The following PMFBP1 variants were observed in gnomAD, a reference collection of about 807,000 sequenced individuals.
The protein encoded by PMFBP1 is polyamine-modulated factor 1-binding protein 1.
In PMFBP1, 131 loss-of-function variants were observed where a neutral mutation model predicts 137.8. The ratio of observed to expected loss-of-function variants is 0.95; its 90% confidence interval spans 0.82 to 1.10. The LOEUF is 1.10. Ranked by LOEUF, PMFBP1 falls within the 50% of genes least tolerant of loss-of-function variation. The pLI is 0.00. For synonymous variants in PMFBP1, 490 were observed against 450.4 expected (o/e 1.09, Z -1.11); for missense variants, 1,199 against 1,175.4 (o/e 1.02, Z -0.29).
the PMFBP1 span, among the ~76,000 whole-genome samples, chr16:72,218,481 A>G: frequency 2.6e-5 from 4 of 151,992 alleles, no homozygotes; most frequent in Admixed American, 6.6e-5. Context: ...CTGCCATGCC[A>G]TGTTGGCCAA....
chr16:72,160,892 G>A (rs191949429), intron 3 of PMFBP1, among the ~76,000 whole-genome samples: 3 of 152,232 alleles, frequency 2.0e-5, no homozygotes, highest in Non-Finnish European at 2.9e-5. Flanking sequence ...CAAACTTTGA[G>A]CTGAATTGCA....
chr16:72,123,716 G>T, intron 17 of PMFBP1, 67 bp from the exon 18 acceptor site: 1 of 1,406,322 alleles, frequency 7.1e-7, no homozygotes, highest in Non-Finnish European at 9.9e-7. Context: ...CTCCTTCCGA[G>T]TCAGGCCTCT....
chr16:72,187,903 AC>A, the PMFBP1 span, among the ~76,000 whole-genome samples: 5 of 152,186 alleles, frequency 3.3e-5, no homozygotes, highest in Non-Finnish European at 7.3e-5. Flanking sequence ...ATATCGAGAA[AC>A]CTGCCTCACC....
chr16:72,211,384 T>A, the PMFBP1 span, among the ~76,000 whole-genome samples: 1 of 152,264 alleles, frequency 6.6e-6, no homozygotes, highest in African/African-American at 2.4e-5. Flanking sequence ...GGGACTAAAC[T>A]TCCCCATACA....
chr16:72,147,914 C>T (rs531350761), intron 5 of PMFBP1, among the ~76,000 whole-genome samples: 14 of 152,282 alleles, frequency 9.2e-5, no homozygotes, highest in African/African-American at 3.4e-4. Flanking sequence ...CACTTTTACA[C>T]TGTTGGTGGG....
At chr16:72,149,121 A>C (rs1019271167) in intron 5 of PMFBP1, among the ~76,000 whole-genome samples, 3 of 152,226 alleles carry the variant, frequency 2.0e-5, no homozygotes, top group Non-Finnish European at 4.4e-5. Flanking sequence ...AACGTCCTGC[A>C]CACTACTCTG....
upstream of PMFBP1, among the ~76,000 whole-genome samples, chr16:72,174,772 A>G (rs560268933): frequency 6.6e-6 from 1 of 152,302 alleles, no homozygotes; most frequent in Non-Finnish European, 1.5e-5. Context: ...GTGAGAACTC[A>G]TTCACTATCA....
upstream of PMFBP1, among the ~76,000 whole-genome samples, chr16:72,178,682 G>A (rs2144545581): frequency 6.6e-6 from 1 of 152,224 alleles, no homozygotes; most frequent in Admixed American, 6.5e-5. Context: ...CCAAAGGTTG[G>A]CTCCTGAGCC....
At chr16:72,231,915 C>T in the PMFBP1 span, among the ~76,000 whole-genome samples, 2 of 98,042 alleles carry the variant, frequency 2.0e-5, no homozygotes, top group Non-Finnish European at 4.3e-5. Flanking sequence ...GGGAAGACAC[C>T]CATTTGTCAT....
chr16:72,172,562 A>C (rs1040308890), upstream of PMFBP1: 1 of 151,238 alleles, frequency 6.6e-6, no homozygotes, highest in Non-Finnish European at 1.5e-5. Flanking sequence ...TCATTAGCCA[A>C]AACAAGTCAC....
At chr16:72,201,642 A>G in the PMFBP1 span, among the ~76,000 whole-genome samples, 2 of 152,354 alleles carry the variant, frequency 1.3e-5, no homozygotes, top group Non-Finnish European at 2.9e-5. Flanking sequence ...AGATCAAGGC[A>G]TTGCAGTGCA....
At chr16:72,140,293 C>T in intron 6 of PMFBP1, 119 bp downstream of exon 6, 1 of 1,055,426 alleles carries the variant, frequency 9.5e-7, no homozygotes. Flanking sequence ...AAGTATATAT[C>T]AGACATTTGA....
At chr16:72,144,641 A>C (rs539194538) in intron 5 of PMFBP1, among the ~76,000 whole-genome samples, 1 of 152,354 alleles carries the variant, frequency 6.6e-6, no homozygotes, top group African/African-American at 2.4e-5. Flanking sequence ...AAAAACATAA[A>C]AATGCAAAAT....
At chr16:72,188,856 A>G in the PMFBP1 span, among the ~76,000 whole-genome samples, 1 of 151,888 alleles carries the variant, frequency 6.6e-6, no homozygotes, top group Non-Finnish European at 1.5e-5. Context: ...CCCATCTGTT[A>G]TGACCTCCTG....
the PMFBP1 span, among the ~76,000 whole-genome samples, chr16:72,200,798 G>C: frequency 6.6e-6 from 1 of 152,194 alleles, no homozygotes; most frequent in African/African-American, 2.4e-5. Context: ...GCATTTTAAA[G>C]ATGAGAAAAT....
intron 2 of PMFBP1, among the ~76,000 whole-genome samples, chr16:72,169,172 T>A (rs565817054): frequency 1.3e-5 from 2 of 152,316 alleles, no homozygotes; most frequent in African/African-American, 4.8e-5. Context: ...CTTATTTGTC[T>A]GAGGATGAGG....
chr16:72,225,934 G>GAC, the PMFBP1 span, among the ~76,000 whole-genome samples: 28,593 of 140,592 alleles, frequency 0.2, 3,202 homozygotes, highest in South Asian at 0.29. Context: ...CACACTCACA[G>GAC]ACACACACAC....
chr16:72,233,500 G>T, the PMFBP1 span, among the ~76,000 whole-genome samples: 2 of 152,030 alleles, frequency 1.3e-5, no homozygotes, highest in East Asian at 1.9e-4. Context: ...GTGATGGGTT[G>T]GTAACTAATA....
intron 6 of PMFBP1, 95 bp from the exon 7 acceptor site, chr16:72,139,494 G>T: frequency 1.0e-6 from 1 of 985,162 alleles, no homozygotes; most frequent in Non-Finnish European, 1.6e-6. Flanking sequence ...TGCAGCATAA[G>T]TTTGTTGCAG....
Sources: gnomAD v4.1 joint callset for allele counts (sites outside exome capture counted in the v4.1 genomes callset) on GRCh38, gnomAD v4.1.1 for gene constraint, MANE v1.5 for transcripts, NCBI Gene and HGNC (gene_info 2026-07-23, HGNC 2026-07-21) for gene names.